The following PIGC variants were observed in gnomAD, a reference collection of about 807,000 sequenced individuals.
The protein encoded by PIGC is phosphatidylinositol glycan anchor biosynthesis class C, also known as phosphatidylinositol N-acetylglucosaminyltransferase subunit C.
A neutral mutation model predicts 20.9 loss-of-function variants in PIGC; 14 were observed. The observed-to-expected ratio is 0.67, with a 90% CI of 0.44 to 1.05. The LOEUF (loss-of-function observed/expected upper bound fraction) is 1.05. Among genes scored for constraint, PIGC ranks in the 50% least tolerant of loss-of-function variants. PIGC has a pLI of 0.00. For synonymous variants in PIGC, 132 were observed against 141.4 expected (o/e 0.93, Z 0.47); for missense variants, 310 against 360.9 (o/e 0.86, Z 1.14).
Position 172,441,520 on chromosome 1 carries a change from G to C in PIGC, c.*209C>G. The C allele has an allele frequency of 2.3e-6, 1 of 426,268 alleles. No homozygotes were observed. Among genetic ancestry groups the C allele is most frequent in the East Asian group, 3.5e-5 (1 of 28,526 alleles). The allele number at this position is 426,268 out of a possible 1,614,324, so 26.4% of individuals were successfully genotyped here. A position where few individuals can be genotyped will look rare whatever the true frequency, so the allele number is the denominator to read the frequency against. Reference sequence around the variant, plus strand: ...ATATGTTACAGCATGTAATTCAAGAGGTCCCCAGAAAGTTTTTTCATCTAC... The same window carrying C: ...ATATGTTACAGCATGTAATTCAAGACGTCCCCAGAAAGTTTTTTCATCTAC... On this transcript the variant is annotated 3_prime_UTR_variant, in exon 2 of 2. Coordinates refer to ENST00000344529, the MANE Select transcript of PIGC (RefSeq NM_153747.2).
chr1:172,442,322 C>T lies in PIGC; in HGVS notation c.301G>A (p.Asp101Asn). ...CGCCCTTCACCTCCATCAATGAGATCAAACAAAACATACCCAATCAGTGAA... is the reference window on the plus strand; with the variant it reads ...CGCCCTTCACCTCCATCAATGAGATTAAACAAAACATACCCAATCAGTGAA... ...ASSLIGYVLF[D>N]LIDGGEGRKK... The change falls in exon 2 of 2, where the codon GAT becomes AAT. Residue 101 changes from aspartate (D) to asparagine (N), a missense_variant. Coordinates refer to ENST00000344529, the MANE Select transcript of PIGC (RefSeq NM_153747.2). The T allele has an allele frequency of 6.2e-7, 1 of 1,613,300 alleles. No individual in the cohort carries two copies. The highest frequency in any genetic ancestry group is 8.5e-7 in the Non-Finnish European group (1 of 1,180,020).
In PIGC at chr1:172,442,746, A is replaced by G. The variant is rs767997353; in HGVS notation, c.-124T>C. 1.3e-5 allele frequency: 11 copies of G among 833,244 alleles called. No homozygotes were observed. Among genetic ancestry groups the G allele is most frequent in the Non-Finnish European group, 1.4e-5 (7 of 511,752 alleles). 51.6% of individuals were successfully genotyped at this position (833,244 alleles called of 1,614,324 possible). A position where few individuals can be genotyped will look rare whatever the true frequency, so the allele number is the denominator to read the frequency against. On this transcript the variant is annotated 5_prime_UTR_variant, in exon 2 of 2. Coordinates refer to ENST00000344529, the MANE Select transcript of PIGC (RefSeq NM_153747.2). ...AAATTCCATGCTGTGTTGATGTTCT[A>G]CCAACCTTTCCTTGTTTTCAAAGGC...
rs1411201760 is a variant in PIGC at position 172,442,048 on chromosome 1, C to T, written c.575G>A (p.Arg192His). 9 of 1,614,172 alleles carry T rather than the reference C, an allele frequency of 5.6e-6. No individual in the cohort carries two copies. The highest frequency in any genetic ancestry group is 1.3e-5 in the African/African-American group (1 of 75,040). The change falls in exon 2 of 2, where the codon CGT (arginine) becomes CAT (histidine). Residue 192 changes from arginine to histidine, a missense_variant. Physicochemically the swap from Arg to His is conservative, Grantham distance 29. Transcript: ENST00000344529. ...GAAGGCATGCAGGGACCGGGGAAGACGTGATGCCAAGCATACAGAAGCAAA... is the reference window on the plus strand; with the variant it reads ...GAAGGCATGCAGGGACCGGGGAAGATGTGATGCCAAGCATACAGAAGCAAA... ...AIFASVCLAS[R>H]LPRSLHAFIM... is the part of the protein sequence containing the mutation.
In PIGC at chr1:172,442,744, C is replaced by T; in HGVS notation, c.-122G>A. ...GGAAATTCCATGCTGTGTTGATGTT[C>T]TACCAACCTTTCCTTGTTTTCAAAG... On this transcript the variant is annotated 5_prime_UTR_variant, in exon 2 of 2. Transcript: ENST00000344529. 1 of 835,950 alleles carries T rather than the reference C, an allele frequency of 1.2e-6. No individual in the cohort carries two copies. Among genetic ancestry groups the T allele is most frequent in the South Asian group, 1.7e-5 (1 of 59,230 alleles). 51.8% of individuals were successfully genotyped at this position (835,950 alleles called of 1,614,324 possible).
chr1:172,442,576 T>C lies in PIGC; in HGVS notation c.47A>G (p.Lys16Arg). 6.2e-7 allele frequency: 1 copy of C among 1,614,044 alleles called. No homozygotes were observed. The change falls in exon 2 of 2, where the codon AAG becomes AGG. Residue 16 changes from lysine to arginine, a missense_variant. Coordinates refer to ENST00000344529, the MANE Select transcript of PIGC (RefSeq NM_153747.2). ...VTNTKEVKWQ[K>R]VLYERQPFPD... ...AAAGGGCTGTCGCTCATACAAGACC[T>C]TCTGCCACTTGACCTCCTTGGTGTT...
At position 172,441,828 on chromosome 1, in the gene PIGC, AC is replaced by A; in HGVS notation, c.794del (p.Cys265PhefsTer42). Reference protein sequence around the residue: ...ALLLMSISCLCPFYLIRLQLF... With the variant: ...ALLLMSISCLXPFYLIRLQLF... Reference sequence around the variant, plus strand: ...GCTGCAAGCGAATGAGGTAGAATGGACACAGACATGAGATAGACATCAGCAG... The same window carrying A: ...GCTGCAAGCGAATGAGGTAGAATGGAACAGACATGAGATAGACATCAGCAG... On this transcript the variant is annotated frameshift_variant, in exon 2 of 2. Transcript: ENST00000344529. LOFTEE classifies it high-confidence loss of function. The A allele has an allele frequency of 1.3e-5, 21 of 1,613,994 alleles. No homozygotes were observed. The highest frequency in any genetic ancestry group is 1.8e-5 in the Non-Finnish European group (21 of 1,179,902).
Position 172,442,543 on chromosome 1 carries a change from T to G in PIGC, c.80A>C (p.Asn27Thr). ...TTCCAGGAATCGCCGGTCCACATAG[T>G]TATCAGGAAAGGGCTGTCGCTCATA... ...VLYERQPFPD[N>T]YVDRRFLEEL... Residue 27 changes from asparagine to threonine, a missense_variant, in exon 2 of 2, where the codon AAC becomes ACC. Physicochemically the swap from Asn to Thr is moderately conservative, Grantham distance 65. Transcript: ENST00000344529. The G allele has an allele frequency of 6.2e-7, 1 of 1,614,170 alleles. No homozygotes were observed. The highest frequency in any genetic ancestry group is 8.5e-7 in the Non-Finnish European group (1 of 1,179,998).
Position 172,441,967 on chromosome 1 carries a change from T to G in PIGC, c.656A>C (p.Lys219Thr). ...GCTCCGGGGAGTACATGCCTTTAGT[T>G]TCTTCTGCAACATGGGCCACAGGGC... ...IFALWPMLQK[K>T]LKACTPRSYV... Residue 219 changes from lysine to threonine, a missense_variant, in exon 2 of 2, where the codon AAA becomes ACA. By Grantham distance (78) the Lys-to-Thr change is moderately conservative. Coordinates refer to ENST00000344529, the MANE Select transcript of PIGC (RefSeq NM_153747.2). The G allele has an allele frequency of 6.2e-7, 1 of 1,614,178 alleles. No homozygotes were observed. Among genetic ancestry groups the G allele is most frequent in the Non-Finnish European group, 8.5e-7 (1 of 1,180,026 alleles).
Position 172,442,545 on chromosome 1 carries a change from A to G in PIGC, c.78T>C (p.Asp26=). 1 of 1,614,186 alleles carries G rather than the reference A, an allele frequency of 6.2e-7. No individual in the cohort carries two copies. Among genetic ancestry groups the G allele is most frequent in the East Asian group, 2.2e-5 (1 of 44,888 alleles). The change falls in exon 2 of 2, where the codon GAT becomes GAC. Residue 26 remains aspartate (D), a synonymous_variant. Transcript: ENST00000344529. ...CCAGGAATCGCCGGTCCACATAGTT[A>G]TCAGGAAAGGGCTGTCGCTCATACA... is the stretch of plus-strand genomic sequence containing the variant. ...KVLYERQPFP[D]NYVDRRFLEE...
In PIGC at chr1:172,441,769, T is replaced by A. The variant is rs1321529810; in HGVS notation, c.854A>T (p.Glu285Val). Residue 285 changes from glutamate to valine, a missense_variant, in exon 2 of 2, where the codon GAA becomes GTA. Transcript: ENST00000344529. ...GGACAAGTCTTCCTTGATTTCAGCT[T>A]CATCCCAAGGCCCATGAATGTTTTC... The part of the protein sequence containing the change: ...FKENIHGPWD[E>V]AEIKEDLSRF... 1 of 1,576,462 alleles carries A rather than the reference T, an allele frequency of 6.3e-7. No individual in the cohort carries two copies. The highest frequency in any genetic ancestry group is 8.6e-7 in the Non-Finnish European group (1 of 1,162,576).
rs761746862 is a variant in PIGC, at chr1:172,442,532, G to A, written c.91C>T (p.Arg31Trp). ...RQPFPDNYVD[R>W]RFLEELRKNI... ...TTCCGGAGCTCTTCCAGGAATCGCC[G>A]GTCCACATAGTTATCAGGAAAGGGC... is the stretch of plus-strand genomic sequence containing the variant. The change falls in exon 2 of 2, where the codon CGG (arginine) becomes TGG (tryptophan). Residue 31 changes from arginine to tryptophan, a missense_variant. Transcript: ENST00000344529. 43 of 1,613,956 alleles carry A rather than the reference G, an allele frequency of 2.7e-5. No homozygotes were observed. Among genetic ancestry groups the A allele is most frequent in the African/African-American group, 2.3e-4 (17 of 74,894 alleles).
In PIGC at chr1:172,441,968, T is replaced by C; in HGVS notation, c.655A>G (p.Lys219Glu). Residue 219 changes from lysine to glutamate, a missense_variant, in exon 2 of 2, where the codon AAA becomes GAA. Physicochemically the swap from Lys to Glu is moderately conservative, Grantham distance 56. Transcript: ENST00000344529. ...IFALWPMLQK[K>E]LKACTPRSYV... ...CTCCGGGGAGTACATGCCTTTAGTT[T>C]CTTCTGCAACATGGGCCACAGGGCA... The C allele has an allele frequency of 6.2e-7, 1 of 1,614,208 alleles. No individual in the cohort carries two copies. The highest frequency in any genetic ancestry group is 8.5e-7 in the Non-Finnish European group (1 of 1,180,046).
rs1647309765 is a variant in PIGC at position 172,441,568 on chromosome 1, C to T, written c.*161G>A. 7 of 581,960 alleles carry T rather than the reference C, an allele frequency of 1.2e-5. No individual in the cohort carries two copies. The highest frequency in any genetic ancestry group is 1.7e-5 in the Non-Finnish European group (6 of 349,244). The allele number at this position is 581,960 out of a possible 1,614,324, so 36.0% of individuals were successfully genotyped here. A position where few individuals can be genotyped will look rare whatever the true frequency, so the allele number is the denominator to read the frequency against. On this transcript the variant is annotated 3_prime_UTR_variant, in exon 2 of 2. Coordinates refer to ENST00000344529, the MANE Select transcript of PIGC (RefSeq NM_153747.2). The stretch of plus-strand genomic sequence containing the variant: ...TACAAAATAACAGAAAGGATAAGCA[C>T]CCTCACCACCCAAGCCTTTGGTTCA...
At position 172,442,567 on chromosome 1, in the gene PIGC, T is replaced by C. The variant is rs747577600; in HGVS notation, c.56A>G (p.Tyr19Cys). The C allele has an allele frequency of 3.7e-6, 6 of 1,613,988 alleles. No homozygotes were observed. Among genetic ancestry groups the C allele is most frequent in the African/African-American group, 1.3e-5 (1 of 74,952 alleles). ...GTTATCAGGAAAGGGCTGTCGCTCA[T>C]ACAAGACCTTCTGCCACTTGACCTC... is the stretch of plus-strand genomic sequence containing the variant. ...TKEVKWQKVLYERQPFPDNYV... is the reference protein window; with the variant it reads ...TKEVKWQKVLCERQPFPDNYV... The change falls in exon 2 of 2, where the codon TAT becomes TGT. Residue 19 changes from tyrosine (Y) to cysteine (C), a missense_variant. By Grantham distance (194) the Tyr-to-Cys change is radical. Transcript: ENST00000344529.
rs1647317268 is a variant in PIGC, at chr1:172,441,659, T to C, written c.*70A>G. 5 of 1,297,484 alleles carry C rather than the reference T, an allele frequency of 3.9e-6. No individual in the cohort carries two copies. Among genetic ancestry groups the C allele is most frequent in the Non-Finnish European group, 4.2e-6 (4 of 948,392 alleles). 80.4% of individuals were successfully genotyped at this position (1,297,484 alleles called of 1,614,324 possible). On this transcript the variant is annotated 3_prime_UTR_variant, in exon 2 of 2. Transcript: ENST00000344529. ...ATGCTGCTTCCAGAATGGAACTCTG[T>C]CTTTAAGTTCTATACTAGTTAGGAG...
At position 172,441,942 on chromosome 1, in the gene PIGC, G is replaced by A; in HGVS notation, c.681C>T (p.Ser227=). The stretch of plus-strand genomic sequence containing the variant: ...CAAAAAGCAGTGTGACCCCCACATA[G>A]CTCCGGGGAGTACATGCCTTTAGTT... ...QKKLKACTPR[S]YVGVTLLFAF... Residue 227 remains serine (S), a synonymous_variant, in exon 2 of 2, where the codon AGC becomes AGT. Transcript: ENST00000344529. The A allele has an allele frequency of 2.5e-6, 4 of 1,614,168 alleles. No individual in the cohort carries two copies. The highest frequency in any genetic ancestry group is 3.4e-6 in the Non-Finnish European group (4 of 1,180,016).
rs1647325450 is a variant in PIGC at position 172,441,742 on chromosome 1, C to A, written c.881G>T (p.Arg294Met). ...GGATGTCCTAATTTAACTGAGGAAC[C>A]TGGACAAGTCTTCCTTGATTTCAGC... ...DEAEIKEDLSRFLS is the reference protein window; with the variant it reads ...DEAEIKEDLSMFLS The change falls in exon 2 of 2, where the codon AGG (arginine) becomes ATG (methionine). Residue 294 changes from arginine (R) to methionine (M), a missense_variant. Physicochemically the swap from Arg to Met is moderately conservative, Grantham distance 91. Coordinates refer to ENST00000344529, the MANE Select transcript of PIGC (RefSeq NM_153747.2). The A allele has an allele frequency of 3.9e-6, 6 of 1,547,684 alleles. No individual in the cohort carries two copies. The Middle Eastern group carries it at 7.1e-4, about 183-fold the overall frequency.
chr1:172,444,016 G>C lies in PIGC; in HGVS notation c.-237C>G. 1.0e-6 allele frequency: 1 copy of C among 1,000,214 alleles called. No homozygotes were observed. Among genetic ancestry groups the C allele is most frequent in the Non-Finnish European group, 1.2e-6 (1 of 830,170 alleles). The allele number at this position is 1,000,214 out of a possible 1,614,324, so 62.0% of individuals were successfully genotyped here. ...AGAGTTCCTAGGGTTGCGCAGCTGGGGGACGGCGGCACCCAGCCTTTTTCC... is the reference window on the plus strand; with the variant it reads ...AGAGTTCCTAGGGTTGCGCAGCTGGCGGACGGCGGCACCCAGCCTTTTTCC... On this transcript the variant is annotated 5_prime_UTR_variant, in exon 1 of 2. Transcript: ENST00000344529.
In PIGC at chr1:172,442,777, C is replaced by T. The variant is rs1379483399; in HGVS notation, c.-155G>A. ...CTTTCCTTGTTTTCAAAGGCAGGGG[C>T]TAGGCCTACAATAGATGAATTTGTC... On this transcript the variant is annotated 5_prime_UTR_variant, in exon 2 of 2. Transcript: ENST00000344529. The T allele has an allele frequency of 1.3e-5, 9 of 667,956 alleles. No homozygotes were observed. In the Admixed American group the frequency reaches 1.4e-4, roughly 10 times the overall value. The allele number at this position is 667,956 out of a possible 1,614,324, so 41.4% of individuals were successfully genotyped here.
Sources: allele counts gnomAD v4.1 joint callset, GRCh38; gene constraint gnomAD v4.1.1; transcripts MANE v1.5; gene names NCBI Gene and HGNC (gene_info 2026-07-23, HGNC 2026-07-21).